Variants in KMT2A observed in about 807,000 individuals in gnomAD.
KMT2A encodes lysine methyltransferase 2A.
KMT2A carries 16 observed loss-of-function variants against 345.3 expected under a neutral mutation model. The observed-to-expected ratio is 0.05, with a 90% CI of 0.03 to 0.07. The LOEUF (loss-of-function observed/expected upper bound fraction) is 0.07, where lower values mean the gene tolerates loss of function less well. Among genes scored for constraint, KMT2A ranks in the 10% least tolerant of loss-of-function variants. The probability of loss-of-function intolerance (pLI) is 1.00; values close to 1 mark genes in which losing one functional copy is unlikely to be tolerated. For synonymous variants in KMT2A, 1,599 were observed against 1,778.6 expected (o/e 0.90, Z 2.54); for missense variants, 3,272 against 4,841.6 (o/e 0.68, Z 9.62).
At chr11:118,459,219 A>G (rs1555031793) in intron 1 of KMT2A, among the ~76,000 whole-genome samples, 1 of 152,072 alleles carries the variant, frequency 6.6e-6, no homozygotes, top group African/African-American at 2.4e-5. Context: ...AAAGGCATGT[A>G]CCACTATGCC....
chr11:118,502,727 A>G lies in KMT2A; in HGVS notation c.6835A>G (p.Lys2279Glu). 2 of 1,614,184 alleles carry G rather than the reference A, an allele frequency of 1.2e-6. No homozygotes were observed. The highest frequency in any genetic ancestry group is 1.7e-6 in the Non-Finnish European group (2 of 1,180,030). ...AAGGACAGTGGTTACTGTAGGCAAT[A>G]AAAACAGTCACTTGGATGGATCTTC... The part of the protein sequence containing the change: ...LQRTVVTVGN[K>E]NSHLDGSSSS... The change falls in exon 27 of 36, where the codon AAA (lysine) becomes GAA (glutamate). Residue 2279 changes from lysine (K) to glutamate (E), a missense_variant. Coordinates refer to ENST00000534358, the MANE Select transcript of KMT2A (RefSeq NM_001197104.2). The surrounding 1 kb of genome is among the most constrained non-coding windows in gnomAD (Gnocchi z 4.9).
chr11:118,438,161 G>T (rs1555139242), intron 1 of KMT2A, among the ~76,000 whole-genome samples: 1 of 151,956 alleles, frequency 6.6e-6, no homozygotes, highest in Admixed American at 6.6e-5. Flanking sequence ...GTTGCTTTGG[G>T]ATGGGAGAAA....
Position 118,491,016 on chromosome 11 carries a change from C to T in KMT2A, c.4697-180C>T, listed in dbSNP as rs1343157079. Among the ~76,000 whole-genome samples the T allele has an allele frequency of 1.3e-5, 2 of 152,072 alleles. No individual in the cohort carries two copies. The highest frequency in any genetic ancestry group is 2.9e-5 in the Non-Finnish European group (2 of 68,030). On this transcript the variant is annotated intron_variant, in intron 13 of 35. Transcript: ENST00000534358. This position sits in a 1 kb window ranked among gnomAD's most constrained non-coding sequence, Gnocchi z 4.2. ...CATATGAAGCTTTTCTGTGAGTATTCGAGGGGCTCAGAATAATCTTGAGAC... is the reference window on the plus strand; with the variant it reads ...CATATGAAGCTTTTCTGTGAGTATTTGAGGGGCTCAGAATAATCTTGAGAC...
At chr11:118,439,399 A>G (rs928111108) in intron 1 of KMT2A, among the ~76,000 whole-genome samples, 1 of 152,200 alleles carries the variant, frequency 6.6e-6, no homozygotes, top group Non-Finnish European at 1.5e-5. Context: ...TCCAAATATT[A>G]TCACATATTC....
intron 10 of KMT2A, among the ~76,000 whole-genome samples, chr11:118,485,821 G>A (rs1392643132): frequency 6.6e-6 from 1 of 152,198 alleles, no homozygotes; most frequent in Non-Finnish European, 1.5e-5. Flanking sequence ...GGTGGCTCAC[G>A]CCTGTAATCC....
chr11:118,449,627 A>G (rs1392699679), intron 1 of KMT2A: 2 of 151,798 alleles, frequency 1.3e-5, no homozygotes, highest in African/African-American at 4.8e-5. Flanking sequence ...GCATTGGCCA[A>G]CTTGGAGGCT....
At chr11:118,489,925 C>T in intron 12 of KMT2A, 38 bp downstream of exon 12, 2 of 1,548,972 alleles carry the variant, frequency 1.3e-6, no homozygotes, top group South Asian at 2.2e-5. Flanking sequence ...TAGAGAACCA[C>T]CATGTGACTA....
intron 2 of KMT2A, among the ~76,000 whole-genome samples, chr11:118,470,821 T>C (rs1949930704): frequency 6.6e-6 from 1 of 152,222 alleles, no homozygotes; most frequent in Non-Finnish European, 1.5e-5. Flanking sequence ...ATACAAGGTG[T>C]TTTAGAAACA....
Position 118,520,660 on chromosome 11 carries a change from A to G in KMT2A, c.11430-142A>G, listed in dbSNP as rs576950. ...AGCGAAACTCCATCTCAAAAAAAAA[A>G]GGGGGGCGCTCATTTTATAAGGCAC... is the stretch of plus-strand genomic sequence containing the variant. On this transcript the variant is annotated intron_variant, in intron 33 of 35. Coordinates refer to ENST00000534358, the MANE Select transcript of KMT2A (RefSeq NM_001197104.2). The surrounding 1 kb of genome is among the most constrained non-coding windows in gnomAD (Gnocchi z 4.3). 213,795 of 602,186 alleles carry G rather than the reference A, an allele frequency of 0.36. 41,604 individuals carry two copies. Among genetic ancestry groups the G allele is most frequent in the Non-Finnish European group, 0.43 (143,063 of 333,102 alleles). 37.3% of individuals were successfully genotyped at this position (602,186 alleles called of 1,614,324 possible).
intron 1 of KMT2A, among the ~76,000 whole-genome samples, chr11:118,455,674 T>TTTTTTA (rs1296425139): frequency 2.6e-5 from 4 of 151,130 alleles, no homozygotes; most frequent in South Asian, 2.1e-4. Flanking sequence ...ATTATTATTT[T>TTTTTTA]TTTTTATTTT....
chr11:118,511,037 G>A (rs1401303396), intron 30 of KMT2A, among the ~76,000 whole-genome samples: 2 of 152,140 alleles, frequency 1.3e-5, no homozygotes, highest in Non-Finnish European at 2.9e-5. Context: ...TGGGAAGGTG[G>A]ATAGGGCACA....
chr11:118,468,761 T>G lies in KMT2A; in HGVS notation c.433-14T>G. The G allele has an allele frequency of 6.2e-7, 1 of 1,607,684 alleles. No homozygotes were observed. The highest frequency in any genetic ancestry group is 8.5e-7 in the Non-Finnish European group (1 of 1,174,798). On this transcript the variant is annotated splice_polypyrimidine_tract_variant and intron_variant, in intron 1 of 35. Transcript: ENST00000534358. The stretch of plus-strand genomic sequence containing the variant: ...TTTTGCTTCTGATTTTAAAATAATT[T>G]TCCTTTGTTGTAGGATGAGCAATTC...
At chr11:118,469,466 T>TA (rs142282801) in intron 2 of KMT2A, among the ~76,000 whole-genome samples, 23 of 152,096 alleles carry the variant, frequency 1.5e-4, no homozygotes, top group African/African-American at 5.3e-4. Flanking sequence ...TGTATTAAAA[T>TA]AAAAAAATGG....
At chr11:118,437,650 G>A (rs1048246726) in intron 1 of KMT2A, among the ~76,000 whole-genome samples, 8 of 145,910 alleles carry the variant, frequency 5.5e-5, no homozygotes, top group Non-Finnish European at 1.2e-4. Flanking sequence ...TGAAGATAAC[G>A]GTGATTCCTC....
rs782262576 is a variant in KMT2A, at chr11:118,501,864, G to A, written c.6505+7G>A. Reference sequence around the variant, plus strand: ...CGACCGTTGCCTTCTGCAGGTAAAAGACTTTATTGACCTACTTGACCTAAG... The same window carrying A: ...CGACCGTTGCCTTCTGCAGGTAAAAAACTTTATTGACCTACTTGACCTAAG... On this transcript the variant is annotated splice_region_variant and intron_variant, in intron 26 of 35. Coordinates refer to ENST00000534358, the MANE Select transcript of KMT2A (RefSeq NM_001197104.2). The A allele has an allele frequency of 6.2e-7, 1 of 1,606,336 alleles. No individual in the cohort carries two copies.
chr11:118,509,390 C>T (rs1311401612), intron 29 of KMT2A, among the ~76,000 whole-genome samples, 190 bp downstream of exon 29: 3 of 152,026 alleles, frequency 2.0e-5, no homozygotes, highest in Non-Finnish European at 2.9e-5. Context: ...TCTTCCAGTA[C>T]ATATTGTGTG....
At position 118,522,378 on chromosome 11, in the gene KMT2A, T is replaced by A. The variant is rs1555053883; in HGVS notation, c.*206T>A. 1.8e-6 allele frequency: 1 copy of A among 567,242 alleles called. No homozygotes were observed. Among genetic ancestry groups the A allele is most frequent in the Non-Finnish European group, 3.1e-6 (1 of 324,828 alleles). 35.1% of individuals were successfully genotyped at this position (567,242 alleles called of 1,614,324 possible). ...CAGAGTTGAGGTCTCGAAGAAAAGA[T>A]CCATGATCGGCTTTCTCCTGGGGCC... On this transcript the variant is annotated 3_prime_UTR_variant, in exon 36 of 36. Coordinates refer to ENST00000534358, the MANE Select transcript of KMT2A (RefSeq NM_001197104.2). This position sits in a 1 kb window ranked among gnomAD's most constrained non-coding sequence, Gnocchi z 5.4.
In KMT2A at chr11:118,496,011, A is replaced by T; in HGVS notation, c.5557+118A>T. On this transcript the variant is annotated intron_variant, in intron 19 of 35. Transcript: ENST00000534358. The surrounding 1 kb of genome is among the most constrained non-coding windows in gnomAD (Gnocchi z 4.7). ...GATATCAGAAAGGAATTTTCAGGTC[A>T]TCCTTAAATGTAATACCATCATTAA... 1.0e-6 allele frequency: 1 copy of T among 955,042 alleles called. No individual in the cohort carries two copies. Among genetic ancestry groups the T allele is most frequent in the Non-Finnish European group, 1.6e-6 (1 of 626,004 alleles). The allele number at this position is 955,042 out of a possible 1,614,324, so 59.2% of individuals were successfully genotyped here.
chr11:118,505,021 C>G lies in KMT2A; in HGVS notation c.9129C>G (p.Pro3043=), dbSNP rs1950557377. 1 of 1,614,052 alleles carries G rather than the reference C, an allele frequency of 6.2e-7. No homozygotes were observed. Among genetic ancestry groups the G allele is most frequent in the Admixed American group, 1.7e-5 (1 of 59,998 alleles). The change falls in exon 27 of 36, where the codon CCC becomes CCG. Residue 3043 remains proline (P), a synonymous_variant. Transcript: ENST00000534358. This position sits in a 1 kb window ranked among gnomAD's most constrained non-coding sequence, Gnocchi z 4.6. ...AGGTACCTGTTTCCCCAACTGTTCC[C>G]ATCCAGAACCAGAAGTATGTGCCCA... is the stretch of plus-strand genomic sequence containing the variant. ...GLQVPVSPTV[P]IQNQKYVPNS...
Sources: gnomAD v4.1 joint callset for allele counts (sites outside exome capture counted in the v4.1 genomes callset) on GRCh38, gnomAD v4.1.1 for gene constraint, Gnocchi (gnomAD v3.1) non-coding constraint, MANE v1.5 for transcripts, NCBI Gene and HGNC (gene_info 2026-07-23, HGNC 2026-07-21) for gene names.